ITGA3: variants seen among roughly 807,000 people sequenced by gnomAD.
The protein encoded by ITGA3 is integrin subunit alpha 3, also known as integrin alpha-3.
Under a neutral mutation model 131.1 loss-of-function variants are expected in ITGA3, and 70 were observed. That is an observed-to-expected ratio of 0.53 (90% CI 0.44 to 0.65). The LOEUF (loss-of-function observed/expected upper bound fraction) is 0.65, where lower values mean the gene tolerates loss of function less well. Among genes scored for constraint, ITGA3 ranks in the 30% least tolerant of loss-of-function variants. The probability of loss-of-function intolerance (pLI) is 0.00; values close to 1 mark genes in which losing one functional copy is unlikely to be tolerated. For missense variants in ITGA3, 1,098 were observed against 1,388.6 expected (o/e 0.79, Z 3.33); for synonymous variants, 537 against 571.6 (o/e 0.94, Z 0.86).
intron 4 of ITGA3, 126 bp from the exon 5 acceptor site, chr17:50,070,718 C>T: frequency 2.1e-6 from 1 of 473,708 alleles, no homozygotes; most frequent in Non-Finnish European, 4.0e-6. Flanking sequence ...GCAAAATGCT[C>T]ACCAATAAAA....
At chr17:50,088,394 C>A in intron 25 of ITGA3, 28 bp downstream of exon 25, 1 of 1,264,748 alleles carries the variant, frequency 7.9e-7, no homozygotes, top group South Asian at 1.3e-5. Context: ...CCCCCTTCCC[C>A]GAGCCCCACA....
intron 1 of ITGA3, among the ~76,000 whole-genome samples, chr17:50,060,439 T>G (rs1908023661): frequency 6.6e-6 from 1 of 152,214 alleles, no homozygotes; most frequent in South Asian, 2.1e-4. Context: ...GCCGCGCCCT[T>G]CTTTGATTCT....
At chr17:50,081,211 T>C in intron 22 of ITGA3, 99 bp from the exon 23 acceptor site, 3 of 707,476 alleles carry the variant, frequency 4.2e-6, no homozygotes, top group Non-Finnish European at 7.4e-6. Context: ...TTAAGGATGC[T>C]ACTTGGTGGG....
At chr17:50,076,761 T>A in intron 14 of ITGA3, 80 bp downstream of exon 14, 1 of 1,328,336 alleles carries the variant, frequency 7.5e-7, no homozygotes, top group Non-Finnish European at 1.1e-6. Flanking sequence ...GGGCGGGGCC[T>A]CATGGCAAGG....
At chr17:50,085,506 A>G (rs946067806) in intron 23 of ITGA3, among the ~76,000 whole-genome samples, 2 of 151,716 alleles carry the variant, frequency 1.3e-5, no homozygotes, top group Non-Finnish European at 2.9e-5. Context: ...TCTAGTAAAA[A>G]TACAAAAATG....
intron 3 of ITGA3, among the ~76,000 whole-genome samples, chr17:50,067,682 C>T (rs1454758370): frequency 6.6e-6 from 1 of 152,176 alleles, no homozygotes; most frequent in East Asian, 1.9e-4. Flanking sequence ...TAATAATGGT[C>T]CTTTCATTAA....
Position 50,080,380 on chromosome 17 carries a change from G to A in ITGA3, c.2820+5G>A. The A allele has an allele frequency of 6.3e-7, 1 of 1,587,748 alleles. No homozygotes were observed. The highest frequency in any genetic ancestry group is 8.6e-7 in the Non-Finnish European group (1 of 1,158,342). On this transcript the variant is annotated splice_donor_5th_base_variant and intron_variant, in intron 22 of 25. Transcript: ENST00000320031. ...TGGAACAGCACCTTCATCGAGGTCAGTGCCTGGGTCTGAAGGTCTCTCCTA... is the reference window on the plus strand; with the variant it reads ...TGGAACAGCACCTTCATCGAGGTCAATGCCTGGGTCTGAAGGTCTCTCCTA...
chr17:50,065,160 T>C (rs1044926260), intron 3 of ITGA3: 3 of 152,214 alleles, frequency 2.0e-5, no homozygotes, highest in African/African-American at 7.3e-5. Context: ...TTGTTGTTGT[T>C]ATATTCCAAA....
intron 14 of ITGA3, 121 bp from the exon 15 acceptor site, chr17:50,076,852 CG>C: frequency 8.1e-7 from 1 of 1,237,968 alleles, no homozygotes. Flanking sequence ...GACTAGAGGA[CG>C]GGGCCTGGCT....
intron 1 of ITGA3, among the ~76,000 whole-genome samples, chr17:50,060,058 G>A (rs966076103): frequency 6.6e-6 from 1 of 152,184 alleles, no homozygotes; most frequent in Non-Finnish European, 1.5e-5. Flanking sequence ...TGGGGAGATG[G>A]CTAATTCGGG....
intron 22 of ITGA3, among the ~76,000 whole-genome samples, chr17:50,080,640 A>G (rs1909150703): frequency 2.0e-5 from 3 of 152,036 alleles, no homozygotes; most frequent in South Asian, 4.2e-4. Context: ...TTAACCCTGG[A>G]ATGCTCATTT....
chr17:50,083,258 A>G (rs2144313033), intron 23 of ITGA3, among the ~76,000 whole-genome samples: 1 of 152,352 alleles, frequency 6.6e-6, no homozygotes, highest in East Asian at 1.9e-4. Flanking sequence ...TAGATTAACT[A>G]TCTACATGTA....
In ITGA3 at chr17:50,071,399, G is replaced by A. The variant is rs199801873; in HGVS notation, c.840G>A (p.Ala280=). 300 of 1,614,078 alleles carry A rather than the reference G, an allele frequency of 1.9e-4. No individual in the cohort carries two copies. Among genetic ancestry groups the A allele is most frequent in the Non-Finnish European group, 2.4e-4 (284 of 1,180,048 alleles). Residue 280 remains alanine, a synonymous_variant, in exon 6 of 26, where the codon GCG becomes GCA. Coordinates refer to ENST00000320031, the MANE Select transcript of ITGA3 (RefSeq NM_002204.4). ...TGAPRHRHMG[A]VFLLSQEAGG... ...CCCCACGGCACCGACATATGGGCGC[G>A]GTGTTCTTGCTGAGCCAGGAGGCAG...
chr17:50,073,892 C>A, intron 7 of ITGA3, 24 bp from the exon 8 acceptor site: 7 of 1,594,286 alleles, frequency 4.4e-6, no homozygotes, highest in Non-Finnish European at 6.0e-6. Context: ...CCTGGGTGAC[C>A]CTGTCTTGCC....
intron 13 of ITGA3, 39 bp from the exon 14 acceptor site, chr17:50,076,545 G>A (rs752278025): frequency 1.1e-5 from 18 of 1,575,028 alleles, no homozygotes; most frequent in Admixed American, 5.5e-5. Context: ...GGGCACTGGG[G>A]GGGGTGGTGC....
intron 1 of ITGA3, among the ~76,000 whole-genome samples, chr17:50,058,571 G>T (rs1567695245): frequency 6.6e-6 from 1 of 152,246 alleles, no homozygotes; most frequent in Non-Finnish European, 1.5e-5. Context: ...AGCTGGAGCT[G>T]GCATTCAGCC....
intron 1 of ITGA3, among the ~76,000 whole-genome samples, chr17:50,059,075 C>T (rs1317859609): frequency 6.6e-6 from 1 of 152,174 alleles, no homozygotes; most frequent in Non-Finnish European, 1.5e-5. Context: ...TTTGCTGCCC[C>T]ATCACCTTCA....
In ITGA3 at chr17:50,078,017, ACT is replaced by A. The variant is rs770833962; in HGVS notation, c.2140-24_2140-23del. 24 of 1,588,766 alleles carry A rather than the reference ACT, an allele frequency of 1.5e-5. No individual in the cohort carries two copies. The African/African-American group carries it at 2.8e-4, about 19-fold the overall frequency. The stretch of plus-strand genomic sequence containing the variant: ...TCACCCCCGCCAGGCCCCATATGCC[ACT>A]CTCTGCCTCCCTGACCCTTGTGGCA... On this transcript the variant is annotated intron_variant, in intron 16 of 25. Transcript: ENST00000320031.
chr17:50,063,128 C>T (rs1908168669), intron 1 of ITGA3, among the ~76,000 whole-genome samples: 1 of 148,366 alleles, frequency 6.7e-6, no homozygotes, highest in South Asian at 2.1e-4. Context: ...TCCAGCCACC[C>T]CTCTGGTATG....
Sources: allele counts gnomAD v4.1 joint callset (sites outside exome capture counted in the v4.1 genomes callset), GRCh38; gene constraint gnomAD v4.1.1; transcripts MANE v1.5; gene names NCBI Gene and HGNC (gene_info 2026-07-23, HGNC 2026-07-21).